SERPINB12: variants seen among roughly 807,000 people sequenced by gnomAD.
SERPINB12 encodes serpin B12.
A neutral mutation model predicts 41.1 loss-of-function variants in SERPINB12; 57 were observed. The observed-to-expected ratio is 1.39, with a 90% CI of 1.12 to 1.73. The LOEUF (loss-of-function observed/expected upper bound fraction) is 1.73. Among genes scored for constraint, SERPINB12 ranks in the 40% most tolerant of loss-of-function variants. The probability of loss-of-function intolerance (pLI) is 0.00; values close to 1 mark genes in which losing one functional copy is unlikely to be tolerated. For missense variants in SERPINB12, 536 were observed against 501.9 expected, an observed-to-expected ratio of 1.07 and a Z score of -0.65; for synonymous variants, 180 against 181.3, an observed-to-expected ratio of 0.99 and a Z score of 0.06.
rs572230396 is a variant in SERPINB12, at chr18:63,543,475, A to C, written c.-19+983A>C. ...ACACATTATAGGCACTTGATACATA[A>C]TTGTTCAACAAATGAATGTCTAGGC... On this transcript the variant is annotated intron_variant, in intron 1 of 7. Coordinates refer to ENST00000382768, the MANE Select transcript of SERPINB12 (RefSeq NM_001307928.2). Among the ~76,000 whole-genome samples the C allele has an allele frequency of 2.6e-5, 4 of 152,322 alleles. No individual in the cohort carries two copies. In the South Asian group the frequency reaches 8.3e-4, roughly 32 times the overall value.
At chr18:63,556,105 T>G in intron 1 of SERPINB12, 37 bp from the exon 2 acceptor site, 3 of 1,456,262 alleles carry the variant, frequency 2.1e-6, no homozygotes, top group Admixed American at 1.9e-5. Context: ...TTTCTTCCAA[T>G]CACCATTTTC....
At chr18:63,561,039 C>A in intron 4 of SERPINB12, 46 bp from the exon 5 acceptor site, 2 of 1,266,602 alleles carry the variant, frequency 1.6e-6, no homozygotes, top group Non-Finnish European at 2.3e-6. Flanking sequence ...ACGAGCATCA[C>A]TGCCTGACTT....
At chr18:63,563,954 A>G in intron 5 of SERPINB12, 24 bp from the exon 6 acceptor site, 3 of 1,589,418 alleles carry the variant, frequency 1.9e-6, no homozygotes, top group East Asian at 4.5e-5. Flanking sequence ...CATACTCAGG[A>G]TATTCTCTGG....
upstream of SERPINB12, among the ~76,000 whole-genome samples, chr18:63,539,389 T>C (rs1030308175): frequency 1.2e-4 from 19 of 152,272 alleles, no homozygotes; most frequent in African/African-American, 4.6e-4. Flanking sequence ...TCCATACTTT[T>C]TCAGCAAAGC....
At chr18:63,535,221 G>A in the SERPINB12 span, among the ~76,000 whole-genome samples, 1 of 152,114 alleles carries the variant, frequency 6.6e-6, no homozygotes, top group Non-Finnish European at 1.5e-5. Context: ...GGCAAGCATA[G>A]CTACAGTCTC....
the SERPINB12 span, among the ~76,000 whole-genome samples, chr18:63,531,394 A>G: frequency 6.6e-6 from 1 of 152,202 alleles, no homozygotes; most frequent in East Asian, 1.9e-4. Flanking sequence ...ACCACAGAGC[A>G]ATTTTTACTA....
At chr18:63,533,740 C>T in the SERPINB12 span, among the ~76,000 whole-genome samples, 1 of 152,136 alleles carries the variant, frequency 6.6e-6, no homozygotes, top group African/African-American at 2.4e-5. Flanking sequence ...ACCCTCCCAC[C>T]TCTTGAACTT....
intron 1 of SERPINB12, among the ~76,000 whole-genome samples, chr18:63,551,994 T>C (rs560703889): frequency 1.3e-5 from 2 of 152,266 alleles, no homozygotes; most frequent in South Asian, 4.1e-4. Flanking sequence ...GCCAAAGGGA[T>C]GGGGATAAAT....
chr18:63,559,499 C>A lies in SERPINB12; in HGVS notation c.304-79C>A. 2.7e-6 allele frequency: 4 copies of A among 1,458,522 alleles called. No homozygotes were observed. In the South Asian group the frequency reaches 3.7e-5, roughly 14 times the overall value. 90.3% of individuals were successfully genotyped at this position (1,458,522 alleles called of 1,614,324 possible). On this transcript the variant is annotated intron_variant, in intron 3 of 7. Coordinates refer to ENST00000382768, the MANE Select transcript of SERPINB12 (RefSeq NM_001307928.2). ...TAAGAAGCTCTATCTTGCTTCTGTA[C>A]AAAACACGCATCTTTTAGCGGTGTT... is the stretch of plus-strand genomic sequence containing the variant.
intron 1 of SERPINB12, among the ~76,000 whole-genome samples, chr18:63,546,739 T>C (rs1397409216): frequency 1.3e-5 from 2 of 152,244 alleles, no homozygotes; most frequent in Non-Finnish European, 2.9e-5. Context: ...AAATATTCAA[T>C]GTAGTTAAAA....
chr18:63,527,143 A>G, the SERPINB12 span, among the ~76,000 whole-genome samples: 2 of 152,182 alleles, frequency 1.3e-5, no homozygotes, highest in Admixed American at 6.6e-5. Flanking sequence ...ACCATCTCCA[A>G]GTGGTCTTAA....
In SERPINB12 at chr18:63,558,339, C is replaced by A; in HGVS notation, c.169-13C>A. 1.2e-6 allele frequency: 2 copies of A among 1,606,962 alleles called. No individual in the cohort carries two copies. Among genetic ancestry groups the A allele is most frequent in the Non-Finnish European group, 1.7e-6 (2 of 1,177,876 alleles). On this transcript the variant is annotated splice_polypyrimidine_tract_variant and intron_variant, in intron 2 of 7. Coordinates refer to ENST00000382768, the MANE Select transcript of SERPINB12 (RefSeq NM_001307928.2). ...TCATATTATCTGAAAGACCCCATCCCGTTATCATGCAGGTACTACACTTCA... is the reference window on the plus strand; with the variant it reads ...TCATATTATCTGAAAGACCCCATCCAGTTATCATGCAGGTACTACACTTCA...
the SERPINB12 span, among the ~76,000 whole-genome samples, chr18:63,530,667 C>T: frequency 1.3e-5 from 2 of 152,126 alleles, no homozygotes; most frequent in African/African-American, 2.4e-5. Context: ...ATAATCAGGC[C>T]GTGAGTACTT....
chr18:63,564,175 G>A (rs1289471962), intron 6 of SERPINB12, 55 bp downstream of exon 6: 3 of 1,556,206 alleles, frequency 1.9e-6, no homozygotes, highest in African/African-American at 1.4e-5. Flanking sequence ...TTTCCACTAG[G>A]AATGATTTAC....
chr18:63,539,523 C>T (rs149731624), upstream of SERPINB12, among the ~76,000 whole-genome samples: 3 of 152,140 alleles, frequency 2.0e-5, no homozygotes, highest in East Asian at 5.8e-4. Flanking sequence ...GGGTCTCGGT[C>T]AAGGAATTAA....
chr18:63,546,089 T>G (rs143509124), intron 1 of SERPINB12, among the ~76,000 whole-genome samples: 130 of 152,318 alleles, frequency 8.5e-4, no homozygotes, highest in Middle Eastern at 3.4e-3. Flanking sequence ...CTCTCCATTT[T>G]AGAAAGTTTT....
intron 5 of SERPINB12, 35 bp downstream of exon 5, chr18:63,561,237 G>A: frequency 2.2e-6 from 3 of 1,354,196 alleles, no homozygotes; most frequent in Non-Finnish European, 3.2e-6. Flanking sequence ...GCTGGTATTG[G>A]TTTCCATTTA....
the SERPINB12 span, among the ~76,000 whole-genome samples, chr18:63,520,333 G>C: frequency 6.6e-6 from 1 of 152,208 alleles, no homozygotes; most frequent in Non-Finnish European, 1.5e-5. Flanking sequence ...TCTCAGGCAG[G>C]TTAAGGGTGG....
chr18:63,560,737 C>T lies in SERPINB12; in HGVS notation c.445-348C>T, dbSNP rs147670217. ...TAAGCGGGAGTTTAATTCTTAAAAA[C>T]AGAAGCATTTTCCAGCCAAGTCTCT... is the stretch of plus-strand genomic sequence containing the variant. On this transcript the variant is annotated intron_variant, in intron 4 of 7. Coordinates refer to ENST00000382768, the MANE Select transcript of SERPINB12 (RefSeq NM_001307928.2). Among the ~76,000 whole-genome samples, 33 of 152,136 alleles carry T rather than the reference C, an allele frequency of 2.2e-4. 1 individual carries two copies. In the East Asian group the frequency reaches 6.4e-3, roughly 29 times the overall value.
Sources: allele counts gnomAD v4.1 joint callset (sites outside exome capture counted in the v4.1 genomes callset), GRCh38; gene constraint gnomAD v4.1.1; transcripts MANE v1.5; gene names NCBI Gene and HGNC (gene_info 2026-07-23, HGNC 2026-07-21).